Variants in ZNF107 observed in about 807,000 individuals in gnomAD.
ZNF107 encodes C2H2 type zinc-finger protein.
A neutral mutation model predicts 12.3 loss-of-function variants in ZNF107; 19 were observed. The observed-to-expected ratio is 1.55, with a 90% confidence interval of 1.08 to 2.27. ZNF107 has a LOEUF of 2.27. Ranked by LOEUF, ZNF107 falls within the 30% of genes most tolerant of loss-of-function variation. The pLI is 0.00. For synonymous variants in ZNF107, 317 were observed against 330.5 expected (o/e 0.96, Z 0.44); for missense variants, 958 against 979.9 (o/e 0.98, Z 0.30).
Position 64,710,672 on chromosome 7 carries a change from A to C in ZNF107, c.*2016A>C, listed in dbSNP as rs964542110. Reference sequence around the variant, plus strand: ...TTTGAAAAGCAAATGATGTAATTCAACTCAAATTCATGCTCTTCATTCCTA... The same window carrying C: ...TTTGAAAAGCAAATGATGTAATTCACCTCAAATTCATGCTCTTCATTCCTA... On this transcript the variant is annotated 3_prime_UTR_variant, in exon 4 of 4. Transcript: ENST00000620827. The C allele has an allele frequency of 6.6e-6, 1 of 151,920 alleles. No homozygotes were observed. The highest frequency in any genetic ancestry group is 2.4e-5 in the African/African-American group (1 of 41,362). 9.4% of individuals were successfully genotyped at this position (151,920 alleles called of 1,614,324 possible). A position where few individuals can be genotyped will look rare whatever the true frequency, so the allele number is the denominator to read the frequency against.
At position 64,710,938 on chromosome 7, in the gene ZNF107, T is replaced by G. The variant is rs1289850251; in HGVS notation, c.*2282T>G. On this transcript the variant is annotated 3_prime_UTR_variant, in exon 4 of 4. Coordinates refer to ENST00000620827, the MANE Select transcript of ZNF107 (RefSeq NM_001282359.2). ...CTGCATTATAGTAAGAGAAAACCATTTTTAATCTTAGTTAAAATTAAAGTG... is the reference window on the plus strand; with the variant it reads ...CTGCATTATAGTAAGAGAAAACCATGTTTAATCTTAGTTAAAATTAAAGTG... The G allele has an allele frequency of 6.6e-6, 1 of 152,202 alleles. No individual in the cohort carries two copies. The highest frequency in any genetic ancestry group is 1.5e-5 in the Non-Finnish European group (1 of 68,004). The allele number at this position is 152,202 out of a possible 1,614,324, so 9.4% of individuals were successfully genotyped here.
rs942127596 is a variant in ZNF107 at position 64,691,957 on chromosome 7, C to G, written c.223C>G (p.Pro75Ala). Residue 75 changes from proline to alanine, a missense_variant, in exon 3 of 4, where the codon CCA becomes GCA. Pro to Ala is a conservative substitution (Grantham distance 27). Coordinates refer to ENST00000620827, the MANE Select transcript of ZNF107 (RefSeq NM_001282359.2). ...AAGACATGAGATGGTAGCCAAACCCCCAGGTAGGTGAGAGTGAAAGTGAAT... is the reference window on the plus strand; with the variant it reads ...AAGACATGAGATGGTAGCCAAACCCGCAGGTAGGTGAGAGTGAAAGTGAAT... ...IKRHEMVAKP[P>A]VMSFHFAQDL... is the part of the protein sequence containing the mutation. The G allele has an allele frequency of 6.6e-7, 1 of 1,513,060 alleles. No individual in the cohort carries two copies. The highest frequency in any genetic ancestry group is 2.1e-5 in the Admixed American group (1 of 48,000). 93.7% of individuals were successfully genotyped at this position (1,513,060 alleles called of 1,614,324 possible).
Position 64,691,317 on chromosome 7 carries a change from C to T in ZNF107, c.73C>T (p.Gln25Ter), listed in dbSNP as rs2128962859. Residue 25 changes from glutamine to a stop codon, truncating the protein, a stop_gained, in exon 2 of 4, where the codon CAG becomes TAG. Coordinates refer to ENST00000620827, the MANE Select transcript of ZNF107 (RefSeq NM_001282359.2). LOFTEE classifies it high-confidence loss of function. ...GGAGTGGCAATGCCTGGATACTGCA[C>T]AGCGGGATTTATATAGGAATGTGTT... ...LEEWQCLDTA[Q>*]RDLYRNVLLE... 3 of 1,545,638 alleles carry T rather than the reference C, an allele frequency of 1.9e-6. No individual in the cohort carries two copies. The highest frequency in any genetic ancestry group is 2.6e-6 in the Non-Finnish European group (3 of 1,148,524).
At chr7:64,671,779 C>CTTTTTTTTTTTTT in intron 1 of ZNF107, among the ~76,000 whole-genome samples, 1 of 116,560 alleles carries the variant, frequency 8.6e-6, no homozygotes, top group Non-Finnish European at 1.8e-5. Flanking sequence ...CCTTTTTGTT[C>CTTTTTTTTTTTTT]TTTTTTTTTT....
At chr7:64,677,067 A>C (rs558447306) in intron 1 of ZNF107, among the ~76,000 whole-genome samples, 1 of 152,318 alleles carries the variant, frequency 6.6e-6, no homozygotes, top group East Asian at 1.9e-4. Flanking sequence ...TGATCTTAGA[A>C]GAAAGACATA....
intron 1 of ZNF107, chr7:64,679,219 G>A (rs946429835): frequency 3.0e-6 from 3 of 984,774 alleles, no homozygotes; most frequent in African/African-American, 1.8e-5. Context: ...CCGGGATAGG[G>A]GAACTCCTTT....
chr7:64,691,999 A>G (rs757554304), intron 3 of ZNF107, 39 bp downstream of exon 3: 7 of 1,344,334 alleles, frequency 5.2e-6, no homozygotes, highest in African/African-American at 1.5e-5. Context: ...GATGACAAAG[A>G]TGAAAGGTCA....
intron 1 of ZNF107, among the ~76,000 whole-genome samples, chr7:64,688,741 A>G (rs1790013246): frequency 6.6e-6 from 1 of 152,222 alleles, no homozygotes; most frequent in South Asian, 2.1e-4. Context: ...ACATTAAAAT[A>G]ATACCACAAT....
At chr7:64,705,805 C>G (rs559645058) in intron 3 of ZNF107, among the ~76,000 whole-genome samples, 16 of 151,370 alleles carry the variant, frequency 1.1e-4, no homozygotes, top group Non-Finnish European at 4.4e-5. Context: ...CTCTTCACTG[C>G]TGTAACATTT....
intron 1 of ZNF107, among the ~76,000 whole-genome samples, chr7:64,687,859 A>G (rs1789976625): frequency 6.6e-6 from 1 of 152,172 alleles, no homozygotes; most frequent in African/African-American, 2.4e-5. Context: ...GGAGCTGGAG[A>G]AAATTTTTCT....
In ZNF107 at chr7:64,708,510, A is replaced by G; in HGVS notation, c.2413A>G (p.Asn805Asp). 4 of 1,613,214 alleles carry G rather than the reference A, an allele frequency of 2.5e-6. No individual in the cohort carries two copies. The South Asian group carries it at 3.3e-5, about 13-fold the overall frequency. ...ATCCTTTAACCAGTTCTCATCTCTT[A>G]ATATACATAAGATAATTCATACTGG... is the stretch of plus-strand genomic sequence containing the variant. ...GKSFNQFSSLNIHKIIHTGEK... is the reference protein window; with the variant it reads ...GKSFNQFSSLDIHKIIHTGEK... Residue 805 changes from asparagine to aspartate, a missense_variant, in exon 4 of 4, where the codon AAT (asparagine) becomes GAT (aspartate). Asn to Asp is a conservative substitution (Grantham distance 23). Transcript: ENST00000620827.
At position 64,708,739 on chromosome 7, in the gene ZNF107, C is replaced by A; in HGVS notation, c.*83C>A. On this transcript the variant is annotated 3_prime_UTR_variant, in exon 4 of 4. Transcript: ENST00000620827. The stretch of plus-strand genomic sequence containing the variant: ...GTGAAGAATGTGTTAAAGCCTTTAA[C>A]AAGTCTTCAACTTTTTCTGCACACA... 2.2e-6 allele frequency: 3 copies of A among 1,371,910 alleles called. No homozygotes were observed. Among genetic ancestry groups the A allele is most frequent in the Non-Finnish European group, 3.0e-6 (3 of 1,015,854 alleles). The allele number at this position is 1,371,910 out of a possible 1,614,324, so 85.0% of individuals were successfully genotyped here.
chr7:64,682,797 C>T (rs891169968), intron 1 of ZNF107, among the ~76,000 whole-genome samples: 1 of 152,076 alleles, frequency 6.6e-6, no homozygotes, highest in African/African-American at 2.4e-5. Context: ...ACTCTCCTCC[C>T]ATCTCCTCCA....
intron 1 of ZNF107, among the ~76,000 whole-genome samples, chr7:64,668,653 T>A (rs1323776818): frequency 6.6e-6 from 1 of 152,172 alleles, no homozygotes; most frequent in Non-Finnish European, 1.5e-5. Flanking sequence ...CAGAGAAAAA[T>A]AATATCTAAT....
chr7:64,691,890 G>A lies in ZNF107; in HGVS notation c.156G>A (p.Leu52=). ...GTATTGCTGTCTCTAAGCCATATCTGATCACCTGTCTGGAGCAAAAAAAAG... is the reference window on the plus strand; with the variant it reads ...GTATTGCTGTCTCTAAGCCATATCTAATCACCTGTCTGGAGCAAAAAAAAG... The part of the protein sequence containing the change: ...FLGIAVSKPY[L]ITCLEQKKEP... Residue 52 remains leucine, a synonymous_variant, in exon 3 of 4, where the codon CTG becomes CTA. Transcript: ENST00000620827. The A allele has an allele frequency of 6.7e-7, 1 of 1,500,326 alleles. No individual in the cohort carries two copies. The highest frequency in any genetic ancestry group is 8.8e-7 in the Non-Finnish European group (1 of 1,132,368). The allele number at this position is 1,500,326 out of a possible 1,614,324, so 92.9% of individuals were successfully genotyped here.
chr7:64,678,231 C>T (rs1346239159), intron 1 of ZNF107, among the ~76,000 whole-genome samples: 1 of 152,062 alleles, frequency 6.6e-6, no homozygotes, highest in Non-Finnish European at 1.5e-5. Context: ...TAAGAGCACA[C>T]AAAAGTTGAG....
Position 64,707,189 on chromosome 7 carries a change from T to G in ZNF107, c.1092T>G (p.Thr364=). 2 of 1,613,758 alleles carry G rather than the reference T, an allele frequency of 1.2e-6. No homozygotes were observed. Among genetic ancestry groups the G allele is most frequent in the Non-Finnish European group, 1.7e-6 (2 of 1,179,834 alleles). ...SNLNKQEKIH[T]GGKLNKCEEC... is the part of the protein sequence containing the mutation. ...TTAATAAACAGGAGAAAATTCATAC[T>G]GGAGGGAAACTCAACAAATGTGAAG... Residue 364 remains threonine, a synonymous_variant, in exon 4 of 4, where the codon ACT becomes ACG. Coordinates refer to ENST00000620827, the MANE Select transcript of ZNF107 (RefSeq NM_001282359.2).
At chr7:64,681,870 C>A (rs905957090) in intron 1 of ZNF107, among the ~76,000 whole-genome samples, 1 of 152,046 alleles carries the variant, frequency 6.6e-6, no homozygotes, top group Non-Finnish European at 1.5e-5. Flanking sequence ...GTCCAGAATA[C>A]CTCCCACCAC....
Position 64,707,268 on chromosome 7 carries a change from CTA to C in ZNF107, c.1172_1173del (p.Leu391HisfsTer9). 6.2e-7 allele frequency: 1 copy of C among 1,613,120 alleles called. No individual in the cohort carries two copies. The highest frequency in any genetic ancestry group is 8.5e-7 in the Non-Finnish European group (1 of 1,179,692). On this transcript the variant is annotated frameshift_variant, in exon 4 of 4. Transcript: ENST00000620827. LOFTEE classifies it low-confidence loss of function (END_TRUNC). ...SLKLTAHKKI[L>X]MEEKPYKCEE... is the part of the protein sequence containing the mutation. ...AAAACTTACTGCACATAAGAAAATT[CTA>C]ATGGAAGAGAAACCCTACAAATGTG... is the stretch of plus-strand genomic sequence containing the variant.
Sources: allele counts gnomAD v4.1 joint callset (sites outside exome capture counted in the v4.1 genomes callset), GRCh38; gene constraint gnomAD v4.1.1; transcripts MANE v1.5; gene names NCBI Gene and HGNC (gene_info 2026-07-23, HGNC 2026-07-21).